GNAQ: variants seen among roughly 807,000 people sequenced by gnomAD.
The protein encoded by GNAQ is guanine nucleotide-binding protein G(q) subunit alpha.
GNAQ carries 8 observed loss-of-function variants against 43.9 expected under a neutral mutation model. The observed-to-expected ratio is 0.18, with a 90% CI of 0.11 to 0.33. GNAQ has a LOEUF of 0.33. Ranked by LOEUF, GNAQ falls within the 10% of genes least tolerant of loss-of-function variation. The pLI, the probability that GNAQ is intolerant of heterozygous loss-of-function variation, is 1.00. For missense variants in GNAQ, 158 were observed against 450.8 expected (o/e 0.35, Z 5.88); for synonymous variants, 155 against 170.7 (o/e 0.91, Z 0.71).
chr9:77,719,718 C>T lies in GNAQ; in HGVS notation c.*1605G>A, dbSNP rs1825280153. On this transcript the variant is annotated 3_prime_UTR_variant, in exon 7 of 7. Coordinates refer to ENST00000286548, the MANE Select transcript of GNAQ (RefSeq NM_002072.5). ...TTCAACTCAAGCTGCTTGACAGAAG[C>T]TTGTCAATACATGTGCTGTATTTTT... The T allele has an allele frequency of 4.3e-6, 1 of 232,712 alleles. No individual in the cohort carries two copies. Among genetic ancestry groups the T allele is most frequent in the African/African-American group, 2.2e-5 (1 of 45,322 alleles). 14.4% of individuals were successfully genotyped at this position (232,712 alleles called of 1,614,324 possible).
intron 1 of GNAQ, among the ~76,000 whole-genome samples, chr9:78,027,747 A>G (rs1564182960): frequency 2.0e-5 from 2 of 100,624 alleles, no homozygotes; most frequent in Non-Finnish European, 3.9e-5. Context: ...GCAAAACTCC[A>G]TCTCAAAAAA....
At chr9:77,977,384 C>T (rs886196978) in intron 1 of GNAQ, among the ~76,000 whole-genome samples, 1 of 152,130 alleles carries the variant, frequency 6.6e-6, no homozygotes, top group African/African-American at 2.4e-5. Context: ...CCTTGACCGC[C>T]CACATGGAGG....
intron 6 of GNAQ, among the ~76,000 whole-genome samples, chr9:77,726,564 G>A (rs145123622): frequency 1.3e-5 from 2 of 152,094 alleles, no homozygotes; most frequent in African/African-American, 4.8e-5. Context: ...ATTTAATCTT[G>A]GTTTTTAAAG....
chr9:78,001,514 T>C (rs747716654), intron 1 of GNAQ, among the ~76,000 whole-genome samples: 1 of 152,062 alleles, frequency 6.6e-6, no homozygotes, highest in Non-Finnish European at 1.5e-5. Context: ...ATTCTACCAA[T>C]GATCACAGGA....
At chr9:77,788,597 T>C (rs1482825264) in intron 5 of GNAQ, among the ~76,000 whole-genome samples, 1 of 152,170 alleles carries the variant, frequency 6.6e-6, no homozygotes, top group African/African-American at 2.4e-5. Flanking sequence ...GTCTTTAATT[T>C]TATCTGTATC....
At chr9:78,006,126 T>A (rs1823703531) in intron 1 of GNAQ, among the ~76,000 whole-genome samples, 1 of 152,174 alleles carries the variant, frequency 6.6e-6, no homozygotes. Context: ...CCCTAGCTAA[T>A]TCCCAGAGGT....
chr9:77,904,505 TA>T (rs1241022507), intron 2 of GNAQ, among the ~76,000 whole-genome samples: 1 of 151,816 alleles, frequency 6.6e-6, no homozygotes, highest in Non-Finnish European at 1.5e-5. Flanking sequence ...GCTACTTTTT[TA>T]TATTTTTAGT....
At chr9:77,965,235 G>A (rs1439469503) in intron 1 of GNAQ, among the ~76,000 whole-genome samples, 1 of 151,678 alleles carries the variant, frequency 6.6e-6, no homozygotes, top group Non-Finnish European at 1.5e-5. Context: ...ATTATATAAA[G>A]CACCCACACC....
At chr9:77,996,677 C>CAAAAAAAAAAAAAA (rs3083223) in intron 1 of GNAQ, among the ~76,000 whole-genome samples, 79 of 105,514 alleles carry the variant, frequency 7.5e-4, no homozygotes, top group Non-Finnish European at 9.7e-4. Context: ...GACTCCATCT[C>CAAAAAAAAAAAAAA]AAAAAAAAAA....
intron 3 of GNAQ, among the ~76,000 whole-genome samples, chr9:77,812,989 C>T (rs146989392): frequency 0.013 from 1,988 of 151,792 alleles, 39 homozygotes; most frequent in African/African-American, 0.046. Context: ...CTTGGCTCAC[C>T]GCAACCTCTG....
chr9:78,002,072 T>C (rs1011140043), intron 1 of GNAQ, among the ~76,000 whole-genome samples: 1 of 152,236 alleles, frequency 6.6e-6, no homozygotes, highest in Admixed American at 6.5e-5. Flanking sequence ...AAAACCTTGA[T>C]GCCATTTTTC....
In GNAQ at chr9:77,721,401, G is replaced by A. The variant is rs369282648; in HGVS notation, c.1002C>T (p.Thr334=). Residue 334 remains threonine, a synonymous_variant, in exon 7 of 7, where the codon ACC becomes ACT. Coordinates refer to ENST00000286548, the MANE Select transcript of GNAQ (RefSeq NM_002072.5). ...IYSHFTCATD[T]ENIRFVFAAV... The stretch of plus-strand genomic sequence containing the variant: ...CAGCAAAGACAAAGCGGATATTCTC[G>A]GTGTCTGTGGCGCACGTGAAGTGGG... The A allele has an allele frequency of 1.5e-5, 25 of 1,613,388 alleles. No individual in the cohort carries two copies. The Middle Eastern group carries it at 6.6e-4, about 42-fold the overall frequency.
At chr9:77,807,617 T>C (rs1826848586) in intron 3 of GNAQ, among the ~76,000 whole-genome samples, 2 of 152,210 alleles carry the variant, frequency 1.3e-5, no homozygotes, top group Non-Finnish European at 2.9e-5. Context: ...TGCAAAGCAG[T>C]ATCTCTAGAG....
intron 5 of GNAQ, among the ~76,000 whole-genome samples, chr9:77,760,886 C>T (rs1010592470): frequency 6.7e-6 from 1 of 148,818 alleles, no homozygotes; most frequent in African/African-American, 2.5e-5. Context: ...AGGAGTGCCT[C>T]TGCCCGGTCG....
chr9:77,822,106 C>T (rs886159423), intron 2 of GNAQ, among the ~76,000 whole-genome samples: 14 of 152,072 alleles, frequency 9.2e-5, no homozygotes, highest in African/African-American at 3.4e-4. Context: ...AAGGCAATGG[C>T]CCTTACCTAG....
intron 3 of GNAQ, among the ~76,000 whole-genome samples, chr9:77,807,273 G>A (rs953865294): frequency 6.6e-6 from 1 of 152,132 alleles, no homozygotes; most frequent in Non-Finnish European, 1.5e-5. Flanking sequence ...GCTCTCCTGT[G>A]ACTGGAAGTG....
chr9:77,909,358 C>T (rs1299556904), intron 2 of GNAQ, among the ~76,000 whole-genome samples: 4 of 152,134 alleles, frequency 2.6e-5, no homozygotes, highest in Non-Finnish European at 5.9e-5. Flanking sequence ...GGCTAGAAGA[C>T]GGTCAAGAGA....
intron 5 of GNAQ, among the ~76,000 whole-genome samples, chr9:77,775,019 A>C (rs1408723487): frequency 6.6e-6 from 1 of 152,228 alleles, no homozygotes; most frequent in Non-Finnish European, 1.5e-5. Context: ...ATGTCTTTAA[A>C]AATCAGATGC....
chr9:77,905,839 C>CAAGCACCG (rs1828697840), intron 2 of GNAQ, among the ~76,000 whole-genome samples: 1 of 152,156 alleles, frequency 6.6e-6, no homozygotes, highest in Non-Finnish European at 1.5e-5. Context: ...AACAGAAAAC[C>CAAGCACCG]AAGCACCGCA....
Sources: gnomAD v4.1 joint callset for allele counts (sites outside exome capture counted in the v4.1 genomes callset) on GRCh38, gnomAD v4.1.1 for gene constraint, MANE v1.5 for transcripts, NCBI Gene and HGNC (gene_info 2026-07-23, HGNC 2026-07-21) for gene names.